PAK1: variants seen among roughly 807,000 people sequenced by gnomAD.
The protein encoded by PAK1 is p21 (RAC1) activated kinase 1, also known as serine/threonine-protein kinase PAK 1.
PAK1 carries 29 observed loss-of-function variants against 67.4 expected under a neutral mutation model. That is an observed-to-expected ratio of 0.43 (90% confidence interval 0.32 to 0.59). The LOEUF is 0.59. PAK1 is among the 20% of genes least tolerant of loss of function. The pLI is 0.07. For missense variants in PAK1, 337 were observed against 670.7 expected, an observed-to-expected ratio of 0.50 and a Z score of 5.50; for synonymous variants, 223 against 237.4, an observed-to-expected ratio of 0.94 and a Z score of 0.56.
intron 1 of PAK1, among the ~76,000 whole-genome samples, chr11:77,471,419 G>T (rs750980730): frequency 6.6e-6 from 1 of 152,294 alleles, no homozygotes; most frequent in Admixed American, 6.5e-5. Context: ...GCAACAGAGC[G>T]CTACAGAAGG....
In PAK1 at chr11:77,377,107, C is replaced by A. The variant is rs531357989; in HGVS notation, c.439+2134G>T. Among the ~76,000 whole-genome samples the A allele has an allele frequency of 8.1e-4, 123 of 152,156 alleles. 1 individual carries two copies. The highest frequency in any genetic ancestry group is 3.4e-3 in the Middle Eastern group (1 of 294). On this transcript the variant is annotated intron_variant, in intron 4 of 14. Coordinates refer to ENST00000356341, the MANE Select transcript of PAK1 (RefSeq NM_002576.5). ...CAGCCTGGCCAACATGGTGAACTGTCTCTATTAAAACACAAAAATTAGCTG... is the reference window on the plus strand; with the variant it reads ...CAGCCTGGCCAACATGGTGAACTGTATCTATTAAAACACAAAAATTAGCTG...
chr11:77,476,211 A>G (rs930133978), upstream of PAK1: 7 of 152,292 alleles, frequency 4.6e-5, no homozygotes, highest in South Asian at 2.1e-4. Context: ...TGTTCTTTCT[A>G]TGTGCCAGGT....
chr11:77,458,717 T>C (rs1026528667), intron 1 of PAK1, among the ~76,000 whole-genome samples: 7 of 152,188 alleles, frequency 4.6e-5, no homozygotes, highest in South Asian at 2.1e-4. Context: ...TAAGTCCCTA[T>C]AGATAACAAA....
intron 13 of PAK1, 77 bp downstream of exon 13, chr11:77,336,009 A>G (rs1469571545): frequency 8.7e-6 from 8 of 916,316 alleles, no homozygotes; most frequent in Non-Finnish European, 1.0e-5. Flanking sequence ...AAAACCACAG[A>G]GAACACCCTG....
chr11:77,519,628 G>T, the PAK1 span, among the ~76,000 whole-genome samples: 1 of 151,910 alleles, frequency 6.6e-6, no homozygotes, highest in Non-Finnish European at 1.5e-5. Context: ...CAAAATGCTG[G>T]TTTTTTTTTC....
intron 8 of PAK1, among the ~76,000 whole-genome samples, chr11:77,350,115 T>C (rs972602355): frequency 1.3e-5 from 2 of 152,190 alleles, no homozygotes; most frequent in African/African-American, 4.8e-5. Context: ...CACTCTGATA[T>C]TACAGGATAC....
chr11:77,339,078 C>T (rs763859975), intron 11 of PAK1, among the ~76,000 whole-genome samples: 2 of 152,006 alleles, frequency 1.3e-5, no homozygotes, highest in Non-Finnish European at 2.9e-5. Context: ...TGAATTATAT[C>T]TCAATAAAGA....
intron 1 of PAK1, among the ~76,000 whole-genome samples, chr11:77,460,456 G>A (rs1488734715): frequency 2.0e-5 from 3 of 151,542 alleles, no homozygotes; most frequent in Admixed American, 6.6e-5. Flanking sequence ...TAAGGTACTC[G>A]AAGTAGAAGT....
intron 5 of PAK1, among the ~76,000 whole-genome samples, chr11:77,362,141 A>T (rs1454646708): frequency 6.6e-6 from 1 of 152,220 alleles, no homozygotes; most frequent in Non-Finnish European, 1.5e-5. Flanking sequence ...TATTACAGAA[A>T]TGTATGAATA....
At chr11:77,430,906 G>T (rs972471322) in intron 1 of PAK1, among the ~76,000 whole-genome samples, 1 of 152,234 alleles carries the variant, frequency 6.6e-6, no homozygotes, top group Non-Finnish European at 1.5e-5. Context: ...AAGGGGACAA[G>T]GGAGCAAAGC....
intron 10 of PAK1, among the ~76,000 whole-genome samples, chr11:77,343,322 C>G (rs1341246090): frequency 2.0e-5 from 3 of 150,170 alleles, no homozygotes; most frequent in Non-Finnish European, 4.4e-5. Flanking sequence ...GGAGTCAAAG[C>G]AGACAACCTA....
intron 1 of PAK1, among the ~76,000 whole-genome samples, chr11:77,462,968 GA>G (rs111437533): frequency 0.037 from 1,258 of 33,992 alleles, 30 homozygotes; most frequent in African/African-American, 0.092. Flanking sequence ...ACAACAGTGA[GA>G]AAAAAAAAAA....
At chr11:77,378,376 T>C (rs1949373443) in intron 4 of PAK1, among the ~76,000 whole-genome samples, 1 of 152,296 alleles carries the variant, frequency 6.6e-6, no homozygotes, top group South Asian at 2.1e-4. Context: ...TATAGTCCCT[T>C]CTACCGAGGG....
At chr11:77,354,880 A>C (rs1294262684) in intron 7 of PAK1, among the ~76,000 whole-genome samples, 2 of 152,212 alleles carry the variant, frequency 1.3e-5, no homozygotes, top group East Asian at 3.9e-4. Flanking sequence ...AGATCAACCT[A>C]GTTCTTCCTT....
At chr11:77,351,431 C>T (rs977073688) in intron 8 of PAK1, among the ~76,000 whole-genome samples, 1 of 152,084 alleles carries the variant, frequency 6.6e-6, no homozygotes, top group Non-Finnish European at 1.5e-5. Flanking sequence ...CTATGCTTGT[C>T]CATGTACATT....
intron 1 of PAK1, among the ~76,000 whole-genome samples, chr11:77,463,906 A>C (rs1957477267): frequency 1.3e-5 from 2 of 152,244 alleles, no homozygotes; most frequent in South Asian, 2.1e-4. Flanking sequence ...GGTTAGCCTT[A>C]AAGAAAAGCC....
At chr11:77,460,172 A>AG (rs397776664) in intron 1 of PAK1, among the ~76,000 whole-genome samples, 3 of 149,820 alleles carry the variant, frequency 2.0e-5, no homozygotes, top group Non-Finnish European at 3.0e-5. Context: ...AAAAAAAAAA[A>AG]GGGATGAAAA....
chr11:77,490,751 G>C, the PAK1 span, among the ~76,000 whole-genome samples: 1 of 152,238 alleles, frequency 6.6e-6, no homozygotes, highest in Non-Finnish European at 1.5e-5. Context: ...GAAAGAAGTA[G>C]ACATGGGAAA....
intron 14 of PAK1, among the ~76,000 whole-genome samples, chr11:77,324,982 T>C (rs914264674): frequency 9.9e-5 from 15 of 152,238 alleles, no homozygotes; most frequent in African/African-American, 3.4e-4. Context: ...TATATCATTC[T>C]ATGTATTTCT....
Sources: gnomAD v4.1 joint callset for allele counts (sites outside exome capture counted in the v4.1 genomes callset) on GRCh38, gnomAD v4.1.1 for gene constraint, MANE v1.5 for transcripts, NCBI Gene and HGNC (gene_info 2026-07-23, HGNC 2026-07-21) for gene names.